MYO9A: variants seen among roughly 807,000 people sequenced by gnomAD.
MYO9A encodes the protein unconventional myosin-IXa.
MYO9A carries 103 observed loss-of-function variants against 293.3 expected under a neutral mutation model. The observed-to-expected ratio is 0.35, with a 90% confidence interval of 0.30 to 0.41. The LOEUF (loss-of-function observed/expected upper bound fraction) is 0.41. MYO9A is among the 10% of genes least tolerant of loss of function. MYO9A has a pLI of 1.00. For missense variants in MYO9A, 2,685 were observed against 3,033.0 expected, an observed-to-expected ratio of 0.89 and a Z score of 2.69; for synonymous variants, 1,001 against 1,035.7, an observed-to-expected ratio of 0.97 and a Z score of 0.64.
intron 2 of MYO9A, among the ~76,000 whole-genome samples, chr15:72,036,323 C>T (rs1009409208): frequency 6.6e-6 from 1 of 152,062 alleles, no homozygotes; most frequent in African/African-American, 2.4e-5. Flanking sequence ...GACCTCTAAA[C>T]ATCCTCTCCT....
intron 32 of MYO9A, among the ~76,000 whole-genome samples, chr15:71,866,631 C>A (rs2141938074): frequency 6.6e-6 from 1 of 152,102 alleles, no homozygotes; most frequent in South Asian, 2.1e-4. Flanking sequence ...GATGTCAGTT[C>A]TCTCTACATT....
At chr15:72,077,742 AAAAAAAAAAAATAT>A (rs1168452827) in intron 1 of MYO9A, among the ~76,000 whole-genome samples, 3 of 33,966 alleles carry the variant, frequency 8.8e-5, no homozygotes, top group African/African-American at 2.9e-4. Context: ...AGAAAAAAAA[AAAAAAAAAAAATAT>A]ATATATATAT....
At chr15:72,023,090 T>A (rs2149253067) in intron 4 of MYO9A, among the ~76,000 whole-genome samples, 1 of 152,228 alleles carries the variant, frequency 6.6e-6, no homozygotes, top group South Asian at 2.1e-4. Context: ...TAGAGACTAA[T>A]ATACAGGACT....
chr15:71,833,107 A>C (rs1595987325), intron 39 of MYO9A, among the ~76,000 whole-genome samples: 1 of 152,034 alleles, frequency 6.6e-6, no homozygotes, highest in African/African-American at 2.4e-5. Context: ...GGACAAATAA[A>C]AAGCACATAA....
At chr15:71,973,796 A>G (rs1163577934) in intron 12 of MYO9A, among the ~76,000 whole-genome samples, 11 of 152,222 alleles carry the variant, frequency 7.2e-5, no homozygotes, top group Admixed American at 5.2e-4. Flanking sequence ...GGTCCATGAA[A>G]TGAGCAGATA....
At chr15:71,966,729 TA>T (rs920214006) in intron 13 of MYO9A, among the ~76,000 whole-genome samples, 13 of 152,014 alleles carry the variant, frequency 8.6e-5, no homozygotes, top group African/African-American at 3.1e-4. Flanking sequence ...CACTTCAATT[TA>T]AAAAAAAGTG....
intron 2 of MYO9A, among the ~76,000 whole-genome samples, chr15:72,035,163 T>C (rs2078004472): frequency 6.6e-6 from 1 of 152,086 alleles, no homozygotes; most frequent in African/African-American, 2.4e-5. Flanking sequence ...ACAGTGCTGG[T>C]GGAAATGCAA....
intron 18 of MYO9A, among the ~76,000 whole-genome samples, chr15:71,919,492 A>C (rs539188153): frequency 1.3e-5 from 2 of 152,134 alleles, no homozygotes; most frequent in South Asian, 4.1e-4. Context: ...TTCTAACTGT[A>C]CTGTGCATCC....
intron 1 of MYO9A, among the ~76,000 whole-genome samples, chr15:72,075,681 T>TGG (rs2079328465): frequency 6.6e-6 from 1 of 151,870 alleles, no homozygotes; most frequent in South Asian, 2.1e-4. Flanking sequence ...TTCCAGCACT[T>TGG]CAGGAGGCCA....
intron 38 of MYO9A, among the ~76,000 whole-genome samples, 153 bp downstream of exon 38, chr15:71,849,883 C>T (rs1281369940): frequency 6.6e-6 from 1 of 152,184 alleles, no homozygotes; most frequent in Non-Finnish European, 1.5e-5. Context: ...CAGGAGTTTG[C>T]ATCCTCAGCA....
chr15:71,906,758 C>CTTTTTTTTTTTTTTTTCTTTTTTTT (rs2057660667), intron 19 of MYO9A, among the ~76,000 whole-genome samples: 1 of 61,012 alleles, frequency 1.6e-5, no homozygotes, highest in African/African-American at 6.4e-5. Flanking sequence ...CCATTTCTTT[C>CTTTTTTTTTTTTTTTTCTTTTTTTT]TTTTTTTTTT....
intron 8 of MYO9A, among the ~76,000 whole-genome samples, chr15:72,002,744 A>G (rs116610930): frequency 0.016 from 2,442 of 152,310 alleles, 76 homozygotes; most frequent in African/African-American, 0.056. Flanking sequence ...AATTCACAAC[A>G]GTGGTTACCT....
chr15:72,039,805 G>C (rs556014400), intron 2 of MYO9A: 1 of 153,946 alleles, frequency 6.5e-6, no homozygotes, highest in South Asian at 2.0e-4. Context: ...CTCCAGCCCA[G>C]GCGACAAAGC....
intron 3 of MYO9A, among the ~76,000 whole-genome samples, chr15:72,029,235 T>C (rs774706289): frequency 6.6e-6 from 1 of 152,182 alleles, no homozygotes; most frequent in African/African-American, 2.4e-5. Flanking sequence ...AGGGTACACA[T>C]ACCAACTTCA....
At chr15:71,934,606 T>C (rs975228836) in intron 17 of MYO9A, among the ~76,000 whole-genome samples, 5 of 151,548 alleles carry the variant, frequency 3.3e-5, no homozygotes, top group Admixed American at 3.3e-4. Context: ...TTTTCCTTTT[T>C]TTTTTTTTCT....
chr15:71,897,177 C>T (rs965115589), intron 25 of MYO9A: 9 of 309,302 alleles, frequency 2.9e-5, no homozygotes, highest in African/African-American at 1.7e-4. Flanking sequence ...CGGTGAATGC[C>T]TACTATGTTT....
chr15:71,865,795 C>CT (rs1282548678), intron 32 of MYO9A, among the ~76,000 whole-genome samples: 3 of 152,062 alleles, frequency 2.0e-5, no homozygotes, highest in Admixed American at 1.3e-4. Context: ...GTTAAAATGG[C>CT]TAAATAGTTA....
intron 9 of MYO9A, among the ~76,000 whole-genome samples, chr15:71,995,871 T>C (rs2076684440): frequency 6.6e-6 from 1 of 151,986 alleles, no homozygotes; most frequent in Non-Finnish European, 1.5e-5. Context: ...ACCTACCACA[T>C]AGGTGATGAA....
intron 9 of MYO9A, among the ~76,000 whole-genome samples, chr15:71,997,944 T>C (rs1316904400): frequency 6.6e-6 from 1 of 152,132 alleles, no homozygotes; most frequent in Admixed American, 6.5e-5. Context: ...GTAAAACTAC[T>C]ATTCAACCCA....
Sources: gnomAD v4.1 joint callset for allele counts (sites outside exome capture counted in the v4.1 genomes callset) on GRCh38, gnomAD v4.1.1 for gene constraint, MANE v1.5 for transcripts, NCBI Gene and HGNC (gene_info 2026-07-23, HGNC 2026-07-21) for gene names.